TENM2: variants seen among roughly 807,000 people sequenced by gnomAD.
TENM2 encodes teneurin-2.
In TENM2, 52 loss-of-function variants were observed where a neutral mutation model predicts 245.2. That is an observed-to-expected ratio of 0.21 (90% CI 0.17 to 0.27). TENM2 has a LOEUF of 0.27. Ranked by LOEUF, TENM2 falls within the 10% of genes least tolerant of loss-of-function variation. The pLI is 1.00. For missense variants in TENM2, 3,046 were observed against 3,666.8 expected (o/e 0.83, Z 4.37); for synonymous variants, 1,363 against 1,438.9 (o/e 0.95, Z 1.19).
chr5:167,481,000 C>T (rs897827506), intron 2 of TENM2, among the ~76,000 whole-genome samples: 9 of 152,184 alleles, frequency 5.9e-5, no homozygotes, highest in African/African-American at 1.9e-4. Flanking sequence ...TTTTGGATAT[C>T]GGAACCCTTA....
At chr5:167,329,794 G>A (rs928813089) in intron 1 of TENM2, among the ~76,000 whole-genome samples, 2 of 152,170 alleles carry the variant, frequency 1.3e-5, no homozygotes, top group African/African-American at 4.8e-5. Context: ...TAGAAATTAT[G>A]AGTTCTTGCT....
In TENM2 at chr5:168,095,245, G is replaced by A. The variant is rs138419680; in HGVS notation, c.1712-2781G>A. 4.6e-5 allele frequency among the ~76,000 whole-genome samples: 7 copies of A among 152,158 alleles called. No individual in the cohort carries two copies. In the East Asian group the frequency reaches 5.8e-4, roughly 13 times the overall value. ...CCTGGTGGCAAAAAGGTTGGGGACC[G>A]CTGGTCTACATGTCCCTGGATGATC... On this transcript the variant is annotated intron_variant, in intron 8 of 28. Transcript: ENST00000518659.
rs549122127 is a variant in TENM2, at chr5:168,056,985, G to T, written c.1310-5075G>T. Among the ~76,000 whole-genome samples the T allele has an allele frequency of 5.8e-3, 877 of 152,044 alleles. 6 individuals are homozygous for T. Among genetic ancestry groups the T allele is most frequent in the Middle Eastern group, 0.014 (4 of 294 alleles). On this transcript the variant is annotated intron_variant, in intron 6 of 28. Coordinates refer to ENST00000518659, the Ensembl canonical transcript of TENM2. ...AGTATACTCACACCACTATGAAATT[G>T]CCTAAGAGTACATTTCTCAGAATGT...
chr5:168,165,565 T>G (rs1581507644), intron 13 of TENM2, among the ~76,000 whole-genome samples: 1 of 125,770 alleles, frequency 8.0e-6, no homozygotes, highest in Non-Finnish European at 1.6e-5. Flanking sequence ...ACCAAAATCC[T>G]GAAGTGATGG....
In TENM2 at chr5:168,226,380, T is replaced by A. The variant is rs1362463492; in HGVS notation, c.5284+117T>A. The stretch of plus-strand genomic sequence containing the variant: ...GACTTCCAGAGACCCAGCGTACCCC[T>A]AGCTTTCTATTTTATTCAAGTGTCC... On this transcript the variant is annotated intron_variant, in intron 24 of 28. Transcript: ENST00000518659. 4.7e-6 allele frequency: 4 copies of A among 850,374 alleles called. No homozygotes were observed. In the East Asian group the frequency reaches 8.0e-5, roughly 17 times the overall value. 52.7% of individuals were successfully genotyped at this position (850,374 alleles called of 1,614,324 possible).
chr5:167,171,427 C>A, the TENM2 span, among the ~76,000 whole-genome samples: 3 of 152,048 alleles, frequency 2.0e-5, no homozygotes, highest in Non-Finnish European at 4.4e-5. Flanking sequence ...AGGGGCCCAA[C>A]GGGAAACAGA....
intron 3 of TENM2, among the ~76,000 whole-genome samples, chr5:167,905,263 CTCATCG>C (rs1437225430): frequency 1.3e-5 from 2 of 152,132 alleles, no homozygotes; most frequent in Non-Finnish European, 2.9e-5. Context: ...AACTTTCAAC[CTCATCG>C]TTTTGTGGCT....
At chr5:168,020,179 G>A (rs560269243) in intron 5 of TENM2, among the ~76,000 whole-genome samples, 14 of 152,182 alleles carry the variant, frequency 9.2e-5, no homozygotes, top group African/African-American at 2.4e-4. Flanking sequence ...GACCTCCCCC[G>A]ACCCAAATAT....
chr5:167,725,914 C>T (rs921141457), intron 2 of TENM2, among the ~76,000 whole-genome samples: 1 of 152,116 alleles, frequency 6.6e-6, no homozygotes, highest in Non-Finnish European at 1.5e-5. Flanking sequence ...CATTAAGGCC[C>T]GCTTCAGCCC....
At chr5:168,258,223 C>T (rs1483604306) in intron 27 of TENM2, among the ~76,000 whole-genome samples, 4 of 152,016 alleles carry the variant, frequency 2.6e-5, no homozygotes, top group South Asian at 2.1e-4. Context: ...GGAAACAGGC[C>T]GGGTGCAGTG....
chr5:168,122,445 G>A (rs1795535058), intron 10 of TENM2, among the ~76,000 whole-genome samples: 1 of 152,142 alleles, frequency 6.6e-6, no homozygotes, highest in Non-Finnish European at 1.5e-5. Context: ...CAAAGTGCTG[G>A]GATTACAAGT....
the TENM2 span, among the ~76,000 whole-genome samples, chr5:167,191,953 CG>C: frequency 3.3e-5 from 5 of 151,944 alleles, no homozygotes; most frequent in Non-Finnish European, 7.4e-5. Flanking sequence ...GACATGTTGC[CG>C]GATCCATTAG....
chr5:167,819,888 C>T (rs971790217), intron 2 of TENM2, among the ~76,000 whole-genome samples: 1 of 152,292 alleles, frequency 6.6e-6, no homozygotes, highest in South Asian at 2.1e-4. Flanking sequence ...CGTGATTGCT[C>T]TCCATCCAGC....
At chr5:167,631,582 C>T (rs1248677187) in intron 2 of TENM2, among the ~76,000 whole-genome samples, 1 of 152,094 alleles carries the variant, frequency 6.6e-6, no homozygotes, top group African/African-American at 2.4e-5. Context: ...ACTGCTCCTC[C>T]AATGTGGAGT....
chr5:167,536,323 G>C (rs190119381), intron 2 of TENM2, among the ~76,000 whole-genome samples: 2 of 152,180 alleles, frequency 1.3e-5, no homozygotes. Context: ...AAGCTATTTA[G>C]AAGTCAAGTA....
chr5:168,214,811 G>A (rs1312711428), intron 20 of TENM2: 2 of 626,054 alleles, frequency 3.2e-6, no homozygotes, highest in Non-Finnish European at 5.9e-6. Context: ...GTTTAGCATG[G>A]TGGGAAATGA....
At chr5:167,293,909 C>T (rs950616544) in intron 1 of TENM2, among the ~76,000 whole-genome samples, 1 of 151,782 alleles carries the variant, frequency 6.6e-6, no homozygotes, top group African/African-American at 2.4e-5. Context: ...TCTGTGTGGA[C>T]CATGATACCA....
the TENM2 span, among the ~76,000 whole-genome samples, chr5:167,271,896 C>T: frequency 6.6e-6 from 1 of 152,156 alleles, no homozygotes; most frequent in Non-Finnish European, 1.5e-5. Flanking sequence ...CCTTTGACCT[C>T]TTATTTACTA....
the TENM2 span, among the ~76,000 whole-genome samples, chr5:167,068,030 A>G: frequency 5.3e-5 from 8 of 152,320 alleles, no homozygotes; most frequent in South Asian, 1.7e-3. Flanking sequence ...CACATTGGTC[A>G]AACACTTTCC....
Sources: allele counts gnomAD v4.1 joint callset (sites outside exome capture counted in the v4.1 genomes callset), GRCh38; gene constraint gnomAD v4.1.1; transcripts MANE v1.5; gene names NCBI Gene and HGNC (gene_info 2026-07-23, HGNC 2026-07-21).